Variants in DACH1 observed in about 807,000 individuals in gnomAD.
DACH1 encodes the protein dachshund family transcription factor 1, also known as dachshund homolog 1.
In DACH1, 12 loss-of-function variants were observed where a neutral mutation model predicts 54.2. That is an observed-to-expected ratio of 0.22 (90% CI 0.14 to 0.36). DACH1 has a LOEUF of 0.36. DACH1 is among the 10% of genes least tolerant of loss of function. The pLI, the probability that DACH1 is intolerant of heterozygous loss-of-function variation, is 1.00. For missense variants in DACH1, 805 were observed against 929.8 expected (o/e 0.87, Z 1.75); for synonymous variants, 386 against 366.2 (o/e 1.05, Z -0.62).
chr13:71,451,760 G>A (rs1018033993), intron 10 of DACH1, among the ~76,000 whole-genome samples: 3 of 152,114 alleles, frequency 2.0e-5, no homozygotes, highest in Non-Finnish European at 2.9e-5. Flanking sequence ...GTAATGAAGG[G>A]AAACAAATGC....
intron 1 of DACH1, among the ~76,000 whole-genome samples, chr13:71,831,125 G>A (rs1452540652): frequency 2.0e-5 from 3 of 151,892 alleles, no homozygotes; most frequent in Non-Finnish European, 2.9e-5. Context: ...ACCACATGAA[G>A]TGCTTCTAGG....
At chr13:71,510,334 C>T (rs1305976854) in intron 6 of DACH1, among the ~76,000 whole-genome samples, 1 of 151,956 alleles carries the variant, frequency 6.6e-6, no homozygotes, top group Non-Finnish European at 1.5e-5. Context: ...TTAGCTCAGA[C>T]CTTTTGCCTG....
At chr13:71,754,390 C>A (rs1247165824) in intron 1 of DACH1, among the ~76,000 whole-genome samples, 1 of 152,158 alleles carries the variant, frequency 6.6e-6, no homozygotes, top group Non-Finnish European at 1.5e-5. Context: ...AATCAAGTAT[C>A]TGTACTATGG....
At chr13:71,505,617 A>G (rs1352024405) in intron 6 of DACH1, among the ~76,000 whole-genome samples, 3 of 152,304 alleles carry the variant, frequency 2.0e-5, no homozygotes, top group Non-Finnish European at 4.4e-5. Flanking sequence ...AGTAAATCCA[A>G]TAACTGTTCT....
chr13:71,595,506 G>A (rs567380874), intron 3 of DACH1, among the ~76,000 whole-genome samples: 1 of 152,276 alleles, frequency 6.6e-6, no homozygotes, highest in South Asian at 2.1e-4. Context: ...GAGAAGGAAA[G>A]AAGTAGGTGG....
rs570716061 is a variant in DACH1, at chr13:71,519,160, C to T, written c.1571-30012G>A. 1.4e-4 allele frequency among the ~76,000 whole-genome samples: 21 copies of T among 151,914 alleles called. No individual in the cohort carries two copies. The South Asian group carries it at 4.4e-3, about 32-fold the overall frequency. On this transcript the variant is annotated intron_variant, in intron 6 of 10. Transcript: ENST00000613252. ...GTTCTATACAATAAGATTAGTAGCA[C>T]CCTTTATCATAATCATTCTAAATAG...
intron 3 of DACH1, among the ~76,000 whole-genome samples, chr13:71,573,851 A>G (rs1350623589): frequency 6.6e-6 from 1 of 152,126 alleles, no homozygotes. Flanking sequence ...TTAATATGAA[A>G]TGGTCTCTAT....
At chr13:71,587,461 C>T (rs1038163722) in intron 3 of DACH1, among the ~76,000 whole-genome samples, 1 of 151,894 alleles carries the variant, frequency 6.6e-6, no homozygotes, top group African/African-American at 2.4e-5. Context: ...TTGTTAAAAC[C>T]TCAAACAAAC....
chr13:71,659,849 A>T (rs1879377738), intron 2 of DACH1, among the ~76,000 whole-genome samples: 1 of 152,150 alleles, frequency 6.6e-6, no homozygotes, highest in South Asian at 2.1e-4. Context: ...TCTTTAATGG[A>T]CATTGGCTGT....
chr13:71,708,977 C>T (rs1384606176), intron 1 of DACH1, among the ~76,000 whole-genome samples: 3 of 151,552 alleles, frequency 2.0e-5, no homozygotes, highest in African/African-American at 7.3e-5. Flanking sequence ...CTCAGCCTCC[C>T]GAGTAGCTGG....
At chr13:71,680,514 G>A (rs979378351) in intron 2 of DACH1, among the ~76,000 whole-genome samples, 18 of 152,144 alleles carry the variant, frequency 1.2e-4, no homozygotes, top group African/African-American at 4.3e-4. Flanking sequence ...TGAGGTGGGA[G>A]GATCTCTTGA....
intron 6 of DACH1, among the ~76,000 whole-genome samples, chr13:71,550,017 T>C (rs1883707742): frequency 6.6e-6 from 1 of 152,312 alleles, no homozygotes; most frequent in South Asian, 2.1e-4. Flanking sequence ...CCTCCAAAAC[T>C]GTACACATTA....
chr13:71,683,729 G>T (rs977237809), intron 1 of DACH1, among the ~76,000 whole-genome samples: 1 of 152,000 alleles, frequency 6.6e-6, no homozygotes, highest in Non-Finnish European at 1.5e-5. Context: ...TTGTTTAGTT[G>T]TCTGTGGTCA....
At chr13:71,708,769 A>G (rs1268095448) in intron 1 of DACH1, among the ~76,000 whole-genome samples, 1 of 151,346 alleles carries the variant, frequency 6.6e-6, no homozygotes, top group African/African-American at 2.4e-5. Context: ...TCTACATCCA[A>G]TTCTTCTCTA....
rs549517978 is a variant in DACH1 at position 71,443,738 on chromosome 13, CCTAA to C, written c.2084-3050_2084-3047del. On this transcript the variant is annotated intron_variant, in intron 10 of 10. Transcript: ENST00000613252. ...CTAAAGGGATTTTACCTCTTTGGCC[CCTAA>C]CTGTCATTTCTGATTGATACTAAAT... Among the ~76,000 whole-genome samples, 145 of 152,114 alleles carry C rather than the reference CCTAA, an allele frequency of 9.5e-4. 2 individuals carry two copies. Among genetic ancestry groups the C allele is most frequent in the African/African-American group, 2.2e-3 (91 of 41,506 alleles).
At position 71,515,242 on chromosome 13, in the gene DACH1, G is replaced by T. The variant is rs1352345140; in HGVS notation, c.1571-26094C>A. The stretch of plus-strand genomic sequence containing the variant: ...GAAGTAAAAATGTTAATGTGTTTAG[G>T]TCTGTCCCCTGTAAGTGCAAGTAAA... On this transcript the variant is annotated intron_variant, in intron 6 of 10. Transcript: ENST00000613252. Among the ~76,000 whole-genome samples the T allele has an allele frequency of 5.6e-4, 85 of 151,790 alleles. 1 individual carries two copies. Among genetic ancestry groups the T allele is most frequent in the Non-Finnish European group, 2.9e-5 (2 of 67,894 alleles).
intron 4 of DACH1, among the ~76,000 whole-genome samples, chr13:71,565,960 A>C (rs1884870213): frequency 1.3e-5 from 2 of 152,190 alleles, no homozygotes; most frequent in Admixed American, 1.3e-4. Flanking sequence ...GCACCATCTG[A>C]CAATGAATAC....
intron 2 of DACH1, among the ~76,000 whole-genome samples, chr13:71,674,595 G>T (rs1880429461): frequency 6.6e-6 from 1 of 152,040 alleles, no homozygotes; most frequent in African/African-American, 2.4e-5. Context: ...CTCCCCTAGA[G>T]CCTCCAGAGG....
intron 1 of DACH1, among the ~76,000 whole-genome samples, chr13:71,784,650 C>T (rs1223310232): frequency 1.3e-5 from 2 of 152,102 alleles, no homozygotes; most frequent in Non-Finnish European, 2.9e-5. Flanking sequence ...CTGCCCTCTC[C>T]TACCCTTTTC....
Sources: gnomAD v4.1 joint callset for allele counts (sites outside exome capture counted in the v4.1 genomes callset) on GRCh38, gnomAD v4.1.1 for gene constraint, MANE v1.5 for transcripts, NCBI Gene and HGNC (gene_info 2026-07-23, HGNC 2026-07-21) for gene names.